The following MTUS2 variants were observed in gnomAD, a reference collection of about 807,000 sequenced individuals.
MTUS2 encodes microtubule-associated tumor suppressor candidate 2.
MTUS2 carries 40 observed loss-of-function variants against 114.1 expected under a neutral mutation model. The observed-to-expected ratio is 0.35, with a 90% CI of 0.27 to 0.46. The LOEUF (loss-of-function observed/expected upper bound fraction) is 0.46, where lower values mean the gene tolerates loss of function less well. Among genes scored for constraint, MTUS2 ranks in the 20% least tolerant of loss-of-function variants. The pLI, the probability that MTUS2 is intolerant of heterozygous loss-of-function variation, is 1.00. For synonymous variants in MTUS2, 688 were observed against 672.0 expected (o/e 1.02, Z -0.37); for missense variants, 1,679 against 1,705.4 (o/e 0.98, Z 0.27).
Position 28,907,421 on chromosome 13 carries a change from A to G in MTUS2, c.-243+67571A>G, listed in dbSNP as rs1158960477. On this transcript the variant is annotated intron_variant, in intron 2 of 15. Transcript: ENST00000612955. ...ATAACAATATTAACTTTAAATGTAA[A>G]TGGACTAAATGCTCCAATTAAAAGA... 3.3e-5 allele frequency among the ~76,000 whole-genome samples: 5 copies of G among 151,654 alleles called. No homozygotes were observed. The East Asian group carries it at 5.8e-4, about 18-fold the overall frequency.
chr13:29,112,128 C>G (rs945804391), intron 5 of MTUS2, among the ~76,000 whole-genome samples: 1 of 152,126 alleles, frequency 6.6e-6, no homozygotes, highest in Non-Finnish European at 1.5e-5. Context: ...ATAAGGAGAA[C>G]AGCCATGGAA....
At chr13:28,823,211 C>T (rs1874028065) in intron 1 of MTUS2, among the ~76,000 whole-genome samples, 1 of 152,206 alleles carries the variant, frequency 6.6e-6, no homozygotes, top group Non-Finnish European at 1.5e-5. Flanking sequence ...GGATTGGTCT[C>T]TAATACGAAT....
intron 2 of MTUS2, among the ~76,000 whole-genome samples, chr13:29,005,552 A>G (rs1259100868): frequency 6.6e-6 from 1 of 152,164 alleles, no homozygotes; most frequent in Non-Finnish European, 1.5e-5. Flanking sequence ...GAGGAAGCAT[A>G]TACAGAAATA....
intron 5 of MTUS2, among the ~76,000 whole-genome samples, chr13:29,124,415 A>T (rs7331539): frequency 0.44 from 66,615 of 151,990 alleles, 15,851 homozygotes; most frequent in Non-Finnish European, 0.52. Flanking sequence ...TATTTTTTTT[A>T]AAAAGCCCAG....
intron 5 of MTUS2, among the ~76,000 whole-genome samples, chr13:29,120,089 A>C (rs1263672862): frequency 6.6e-6 from 1 of 152,214 alleles, no homozygotes; most frequent in East Asian, 1.9e-4. Context: ...AAACAAATTA[A>C]CCAAAATATT....
intron 2 of MTUS2, among the ~76,000 whole-genome samples, chr13:28,848,178 A>G (rs1170592583): frequency 6.6e-6 from 1 of 152,172 alleles, no homozygotes; most frequent in Non-Finnish European, 1.5e-5. Context: ...AAAGGAATAA[A>G]CTTTGGTTTC....
At chr13:29,198,228 T>C (rs1198405185) in intron 5 of MTUS2, among the ~76,000 whole-genome samples, 1 of 152,224 alleles carries the variant, frequency 6.6e-6, no homozygotes, top group African/African-American at 2.4e-5. Flanking sequence ...CTATAATCCA[T>C]CTTGAGTTAA....
chr13:29,482,503 T>C (rs557847672), intron 10 of MTUS2: 1 of 152,374 alleles, frequency 6.6e-6, no homozygotes, highest in East Asian at 1.9e-4. Context: ...TGATCCTTTA[T>C]GATAGCAAAA....
rs113793412 is a variant in MTUS2, at chr13:29,445,044, T to A, written c.3184+4995T>A. ...CATTTATACCTTCCCATTTGTGACA[T>A]CTCTGGTGGTATCACGACTGTATCT... On this transcript the variant is annotated intron_variant, in intron 9 of 15. Coordinates refer to ENST00000612955, the MANE Select transcript of MTUS2 (RefSeq NM_001033602.4). Among the ~76,000 whole-genome samples the A allele has an allele frequency of 6.0e-3, 912 of 152,308 alleles. 10 individuals carry two copies. The highest frequency in any genetic ancestry group is 0.021 in the African/African-American group (864 of 41,574).
At chr13:28,904,603 A>G (rs570593315) in intron 2 of MTUS2, among the ~76,000 whole-genome samples, 95 of 152,176 alleles carry the variant, frequency 6.2e-4, no homozygotes, top group African/African-American at 2.0e-3. Context: ...GTTCTGTTCC[A>G]TTGGTCTATA....
intron 4 of MTUS2, among the ~76,000 whole-genome samples, chr13:29,059,458 A>G (rs1444427069): frequency 6.6e-6 from 1 of 151,426 alleles, no homozygotes; most frequent in Non-Finnish European, 1.5e-5. Flanking sequence ...GCCCTAATCT[A>G]CTCTCTGAGT....
intron 2 of MTUS2, among the ~76,000 whole-genome samples, chr13:28,857,602 CAA>C (rs1404947779): frequency 1.3e-5 from 2 of 152,172 alleles, no homozygotes; most frequent in East Asian, 3.9e-4. Context: ...CTGCCCTTTT[CAA>C]GTGTTTTAAT....
intron 2 of MTUS2, among the ~76,000 whole-genome samples, chr13:28,871,578 A>T (rs1178826030): frequency 1.3e-5 from 2 of 152,224 alleles, no homozygotes; most frequent in Admixed American, 1.3e-4. Context: ...CAACTACTCT[A>T]TTAATCACTC....
At chr13:29,093,156 G>A (rs1357418500) in intron 4 of MTUS2, among the ~76,000 whole-genome samples, 1 of 152,166 alleles carries the variant, frequency 6.6e-6, no homozygotes, top group Non-Finnish European at 1.5e-5. Context: ...AAAAACTATG[G>A]AGTATTGGCT....
chr13:29,069,918 A>T (rs950820178), intron 4 of MTUS2, among the ~76,000 whole-genome samples: 15 of 152,200 alleles, frequency 9.9e-5, no homozygotes, highest in African/African-American at 3.6e-4. Flanking sequence ...ATTGTATATG[A>T]GCTCCTAGCA....
chr13:29,168,917 T>TGTGTGTGTGTGTGTGA (rs1200390555), intron 5 of MTUS2, among the ~76,000 whole-genome samples: 1 of 151,810 alleles, frequency 6.6e-6, no homozygotes, highest in Non-Finnish European at 1.5e-5. Flanking sequence ...TGTGTGTGTG[T>TGTGTGTGTGTGTGTGA]GAAGAATATG....
At chr13:29,269,796 T>C (rs7991637) in intron 5 of MTUS2, among the ~76,000 whole-genome samples, 55,674 of 152,104 alleles carry the variant, frequency 0.37, 10,670 homozygotes, top group East Asian at 0.45. Context: ...ATAGTCACGA[T>C]GTGGAAACGA....
chr13:29,256,493 C>T (rs1464752193), intron 5 of MTUS2, among the ~76,000 whole-genome samples: 1 of 152,186 alleles, frequency 6.6e-6, no homozygotes, highest in Non-Finnish European at 1.5e-5. Context: ...GGGCAAAGCA[C>T]CACGGAGGGA....
chr13:29,388,060 C>G (rs189381829), intron 8 of MTUS2, among the ~76,000 whole-genome samples: 1 of 152,224 alleles, frequency 6.6e-6, no homozygotes, highest in Non-Finnish European at 1.5e-5. Flanking sequence ...CTCTGAGGAC[C>G]CAGCATGGCC....
Sources: gnomAD v4.1 joint callset for allele counts (sites outside exome capture counted in the v4.1 genomes callset) on GRCh38, gnomAD v4.1.1 for gene constraint, MANE v1.5 for transcripts, NCBI Gene and HGNC (gene_info 2026-07-23, HGNC 2026-07-21) for gene names.